Variants in CTNNA2 observed in about 807,000 individuals in gnomAD.
CTNNA2 encodes catenin alpha-2.
A neutral mutation model predicts 101.0 loss-of-function variants in CTNNA2; 42 were observed. The observed-to-expected ratio is 0.42, with a 90% CI of 0.32 to 0.54. The LOEUF (loss-of-function observed/expected upper bound fraction) is 0.54, where lower values mean the gene tolerates loss of function less well. Ranked by LOEUF, CTNNA2 falls within the 20% of genes least tolerant of loss-of-function variation. The probability of loss-of-function intolerance (pLI) is 0.14; values close to 1 mark genes in which losing one functional copy is unlikely to be tolerated. For synonymous variants in CTNNA2, 450 were observed against 456.4 expected (o/e 0.99, Z 0.18); for missense variants, 871 against 1,223.1 (o/e 0.71, Z 4.29).
intron 1 of CTNNA2, among the ~76,000 whole-genome samples, chr2:79,609,343 A>G (rs1011110060): frequency 6.6e-6 from 1 of 152,044 alleles, no homozygotes; most frequent in African/African-American, 2.4e-5. Flanking sequence ...AAGTATATTC[A>G]TCTTATGGTT....
intron 1 of CTNNA2, among the ~76,000 whole-genome samples, chr2:79,574,630 T>C (rs1288405843): frequency 6.6e-6 from 1 of 152,212 alleles, no homozygotes; most frequent in African/African-American, 2.4e-5. Context: ...GGTGGGCATT[T>C]AGTTTGATTC....
chr2:80,231,138 A>G (rs1392930602), intron 7 of CTNNA2, among the ~76,000 whole-genome samples: 1 of 151,758 alleles, frequency 6.6e-6, no homozygotes, highest in Non-Finnish European at 1.5e-5. Flanking sequence ...TCCCCCGCTA[A>G]TTTTTTTGTA....
At chr2:79,785,857 G>T (rs999788514) in intron 3 of CTNNA2, among the ~76,000 whole-genome samples, 1 of 152,074 alleles carries the variant, frequency 6.6e-6, no homozygotes, top group Non-Finnish European at 1.5e-5. Context: ...TTCTAACTTT[G>T]TAAGTATATC....
chr2:79,910,212 G>A (rs1197040497), intron 7 of CTNNA2, among the ~76,000 whole-genome samples: 1 of 152,080 alleles, frequency 6.6e-6, no homozygotes, highest in Non-Finnish European at 1.5e-5. Context: ...CCCCTAAGAG[G>A]CATTAATAAA....
intron 2 of CTNNA2, among the ~76,000 whole-genome samples, chr2:79,202,771 C>T (rs1674054482): frequency 6.6e-6 from 1 of 151,504 alleles, no homozygotes; most frequent in Non-Finnish European, 1.5e-5. Flanking sequence ...TTACTACAGT[C>T]TGCATCTCTC....
At chr2:80,296,924 G>T (rs890215669) in intron 7 of CTNNA2, among the ~76,000 whole-genome samples, 7 of 152,158 alleles carry the variant, frequency 4.6e-5, no homozygotes, top group Admixed American at 3.9e-4. Flanking sequence ...ATAGACACAT[G>T]ATCCATTTAA....
intron 9 of CTNNA2, among the ~76,000 whole-genome samples, chr2:80,537,070 C>T (rs528698891): frequency 1.3e-5 from 2 of 152,202 alleles, no homozygotes; most frequent in African/African-American, 4.8e-5. Context: ...GCTTTCCCTC[C>T]CCTTGCATCC....
chr2:80,307,840 T>C lies in CTNNA2; in HGVS notation c.1057-85371T>C, dbSNP rs369778746. Among the ~76,000 whole-genome samples, 3 of 152,238 alleles carry C rather than the reference T, an allele frequency of 2.0e-5. No individual in the cohort carries two copies. The East Asian group carries it at 5.8e-4, about 29-fold the overall frequency. On this transcript the variant is annotated intron_variant, in intron 7 of 18. Transcript: ENST00000402739. ...ATCATGCCAACATGTGATTGGGCAC[T>C]GAGGCCAGACCTCCAGTTTGGGGTA...
chr2:79,251,563 C>A (rs927224618), intron 2 of CTNNA2, among the ~76,000 whole-genome samples: 1 of 152,058 alleles, frequency 6.6e-6, no homozygotes, highest in African/African-American at 2.4e-5. Context: ...ACATAGGGAC[C>A]TCTTTTGCTT....
chr2:79,572,064 G>T (rs548651293), intron 1 of CTNNA2, among the ~76,000 whole-genome samples: 35 of 152,048 alleles, frequency 2.3e-4, no homozygotes, highest in Non-Finnish European at 4.3e-4. Context: ...TTGTTTTATT[G>T]AACTTTAGTT....
At chr2:79,504,736 C>T (rs1266428451) in intron 4 of CTNNA2, among the ~76,000 whole-genome samples, 1 of 152,090 alleles carries the variant, frequency 6.6e-6, no homozygotes, top group East Asian at 1.9e-4. Context: ...AGAGTGGATG[C>T]ATCTTGATCA....
At chr2:79,422,089 G>T in intron 4 of CTNNA2, among the ~76,000 whole-genome samples, 1 of 152,116 alleles carries the variant, frequency 6.6e-6, no homozygotes, top group East Asian at 1.9e-4. Flanking sequence ...GGAGGGGGAG[G>T]TTGCAGTGAG....
At chr2:80,353,780 G>C (rs1045783173) in intron 7 of CTNNA2, among the ~76,000 whole-genome samples, 1 of 152,092 alleles carries the variant, frequency 6.6e-6, no homozygotes, top group Non-Finnish European at 1.5e-5. Flanking sequence ...AACTCTAATG[G>C]CATTATGCTT....
intron 7 of CTNNA2, among the ~76,000 whole-genome samples, chr2:80,104,421 C>T (rs79774206): frequency 0.22 from 33,149 of 152,128 alleles, 4,442 homozygotes; most frequent in East Asian, 0.52. Flanking sequence ...CAGGGAAGCC[C>T]CTATTGTCCA....
rs774199706 is a variant in CTNNA2 at position 79,546,616 on chromosome 2, CT to C, written c.-6+33412del. On this transcript the variant is annotated intron_variant, in intron 1 of 18. Coordinates refer to ENST00000402739, the MANE Select transcript of CTNNA2 (RefSeq NM_001282597.3). Reference sequence around the variant, plus strand: ...CTAAGAATAATATAAATGTGTTGTTCTTTGATTGCTTTACACTGCCCTGCTA... The same window carrying C: ...CTAAGAATAATATAAATGTGTTGTTCTTGATTGCTTTACACTGCCCTGCTA... 4.6e-5 allele frequency among the ~76,000 whole-genome samples: 7 copies of C among 152,134 alleles called. No individual in the cohort carries two copies. In the South Asian group the frequency reaches 1.5e-3, roughly 32 times the overall value.
intron 9 of CTNNA2, among the ~76,000 whole-genome samples, chr2:80,538,000 A>T (rs2149609830): frequency 6.6e-6 from 1 of 152,088 alleles, no homozygotes; most frequent in East Asian, 1.9e-4. Flanking sequence ...GCTTTTTTTC[A>T]TATGTTTGTT....
At chr2:79,458,423 TC>T (rs1391709434) in intron 4 of CTNNA2, among the ~76,000 whole-genome samples, 1 of 152,214 alleles carries the variant, frequency 6.6e-6, no homozygotes, top group East Asian at 1.9e-4. Flanking sequence ...TTGTGCTCTC[TC>T]CTGGGCAGTA....
chr2:79,306,710 C>T (rs994933868), intron 2 of CTNNA2, among the ~76,000 whole-genome samples: 1 of 152,176 alleles, frequency 6.6e-6, no homozygotes, highest in African/African-American at 2.4e-5. Context: ...TTATTACATA[C>T]TTCCAAATGG....
intron 7 of CTNNA2, among the ~76,000 whole-genome samples, chr2:80,053,856 C>T (rs540444656): frequency 6.6e-6 from 1 of 152,200 alleles, no homozygotes; most frequent in Non-Finnish European, 1.5e-5. Flanking sequence ...ACTGTCATTT[C>T]TTAGCAAATT....
Sources: allele counts gnomAD v4.1 joint callset (sites outside exome capture counted in the v4.1 genomes callset), GRCh38; gene constraint gnomAD v4.1.1; transcripts MANE v1.5; gene names NCBI Gene and HGNC (gene_info 2026-07-23, HGNC 2026-07-21).